Variants in PRKG1 observed in about 807,000 individuals in gnomAD.
The protein encoded by PRKG1 is protein kinase cGMP-dependent 1, also known as cGMP-dependent protein kinase 1.
PRKG1 carries 35 observed loss-of-function variants against 88.1 expected under a neutral mutation model. The ratio of observed to expected loss-of-function variants is 0.40; its 90% confidence interval spans 0.30 to 0.53. The LOEUF (loss-of-function observed/expected upper bound fraction) is 0.53, where lower values mean the gene tolerates loss of function less well. PRKG1 is among the 20% of genes least tolerant of loss of function. The pLI is 0.59. For synonymous variants in PRKG1, 303 were observed against 292.5 expected (o/e 1.04, Z -0.37); for missense variants, 540 against 839.8 (o/e 0.64, Z 4.41).
At chr10:52,065,815 C>G (rs775527892) in intron 7 of PRKG1, among the ~76,000 whole-genome samples, 3 of 151,954 alleles carry the variant, frequency 2.0e-5, no homozygotes, top group Admixed American at 6.6e-5. Flanking sequence ...TTAAATGTGT[C>G]AAAAGATGGC....
intron 2 of PRKG1, among the ~76,000 whole-genome samples, chr10:51,316,708 A>T (rs78144682): frequency 6.6e-6 from 1 of 152,132 alleles, no homozygotes; most frequent in African/African-American, 2.4e-5. Context: ...AAATAAATAA[A>T]TAAAAAGACA....
intron 2 of PRKG1, among the ~76,000 whole-genome samples, chr10:51,305,449 A>G (rs556012203): frequency 6.6e-6 from 1 of 152,310 alleles, no homozygotes; most frequent in Admixed American, 6.5e-5. Context: ...TTAAAGGGCT[A>G]ATTTACAAGA....
chr10:51,455,576 C>T (rs1161932317), intron 2 of PRKG1, among the ~76,000 whole-genome samples: 4 of 152,208 alleles, frequency 2.6e-5, no homozygotes, highest in Admixed American at 6.5e-5. Flanking sequence ...TACCCTAAAT[C>T]ATCTCCCTCA....
At chr10:51,431,499 G>A (rs897498815) in intron 2 of PRKG1, among the ~76,000 whole-genome samples, 1 of 152,194 alleles carries the variant, frequency 6.6e-6, no homozygotes, top group Admixed American at 6.5e-5. Flanking sequence ...TTTAGGGCAG[G>A]AAGAATATTG....
At chr10:51,710,836 G>T (rs568357488) in intron 3 of PRKG1, among the ~76,000 whole-genome samples, 3 of 151,280 alleles carry the variant, frequency 2.0e-5, no homozygotes, top group East Asian at 1.9e-4. Context: ...GTCCTGTTTT[G>T]GGGGGGGCGG....
intron 1 of PRKG1, among the ~76,000 whole-genome samples, chr10:51,016,721 T>C (rs1231542106): frequency 7.4e-6 from 1 of 134,410 alleles, no homozygotes; most frequent in Non-Finnish European, 1.6e-5. Context: ...CAGGCTGGAG[T>C]GCAGTGGCGC....
intron 2 of PRKG1, among the ~76,000 whole-genome samples, chr10:51,254,017 C>T (rs1589282551): frequency 6.6e-6 from 1 of 151,950 alleles, no homozygotes; most frequent in African/African-American, 2.4e-5. Context: ...AGTTCATCCT[C>T]ATGAACTTTT....
intron 3 of PRKG1, among the ~76,000 whole-genome samples, chr10:51,764,016 T>A (rs1838092226): frequency 6.6e-6 from 1 of 152,222 alleles, no homozygotes; most frequent in Admixed American, 6.5e-5. Flanking sequence ...CCCTGATGAC[T>A]CAATCATCTC....
At chr10:52,290,766 G>A (rs1842220836) in intron 17 of PRKG1, among the ~76,000 whole-genome samples, 1 of 152,038 alleles carries the variant, frequency 6.6e-6, no homozygotes, top group Admixed American at 6.6e-5. Flanking sequence ...TGGAGCAGGA[G>A]GATCACTTGA....
chr10:51,358,084 C>A (rs1022919140), intron 2 of PRKG1, among the ~76,000 whole-genome samples: 1 of 151,682 alleles, frequency 6.6e-6, no homozygotes, highest in Admixed American at 6.6e-5. Flanking sequence ...TTCTTTAGGT[C>A]GGGAATTTGT....
At chr10:51,145,519 G>A (rs1845923084) in intron 1 of PRKG1, among the ~76,000 whole-genome samples, 1 of 152,140 alleles carries the variant, frequency 6.6e-6, no homozygotes, top group African/African-American at 2.4e-5. Context: ...AAACTTCACG[G>A]TTTTAATTCC....
chr10:51,226,768 G>T (rs1457142328), intron 2 of PRKG1, among the ~76,000 whole-genome samples: 1 of 152,106 alleles, frequency 6.6e-6, no homozygotes, highest in African/African-American at 2.4e-5. Context: ...AGGAAGAAAT[G>T]AATTAACTCT....
intron 3 of PRKG1, among the ~76,000 whole-genome samples, chr10:51,587,034 C>T (rs904586021): frequency 6.6e-6 from 1 of 152,044 alleles, no homozygotes; most frequent in African/African-American, 2.4e-5. Flanking sequence ...TGTACTCAAA[C>T]CTCACTAAAA....
chr10:51,589,680 A>G (rs775874029), intron 3 of PRKG1, among the ~76,000 whole-genome samples: 26 of 152,298 alleles, frequency 1.7e-4, no homozygotes, highest in Non-Finnish European at 3.5e-4. Flanking sequence ...TTTACAGTAT[A>G]AAATGGATAT....
intron 3 of PRKG1, among the ~76,000 whole-genome samples, chr10:51,517,293 C>T (rs1351694193): frequency 1.3e-5 from 2 of 152,228 alleles, no homozygotes; most frequent in South Asian, 2.1e-4. Flanking sequence ...TTAGCTAGAC[C>T]TATTTGTTCA....
intron 2 of PRKG1, among the ~76,000 whole-genome samples, chr10:51,318,618 G>A (rs1347015844): frequency 6.6e-6 from 1 of 152,196 alleles, no homozygotes; most frequent in Non-Finnish European, 1.5e-5. Flanking sequence ...GCAGAGTAGG[G>A]AAAGCAGAGG....
chr10:51,418,182 A>G (rs1838297365), intron 2 of PRKG1, among the ~76,000 whole-genome samples: 2 of 152,178 alleles, frequency 1.3e-5, no homozygotes, highest in South Asian at 4.1e-4. Flanking sequence ...AAGCTCATGT[A>G]TCTCATAAGA....
chr10:51,868,330 C>G (rs1422717812), intron 4 of PRKG1, among the ~76,000 whole-genome samples: 2 of 151,942 alleles, frequency 1.3e-5, no homozygotes, highest in African/African-American at 4.8e-5. Context: ...ACTGAGATGG[C>G]TGGAGGTGGG....
intron 8 of PRKG1, among the ~76,000 whole-genome samples, chr10:52,151,076 A>G (rs1418232185): frequency 6.6e-6 from 1 of 152,148 alleles, no homozygotes; most frequent in African/African-American, 2.4e-5. Context: ...GAGGAGCCTG[A>G]AATTTTTAAA....
Sources: allele counts gnomAD v4.1 joint callset (sites outside exome capture counted in the v4.1 genomes callset), GRCh38; gene constraint gnomAD v4.1.1; transcripts MANE v1.5; gene names NCBI Gene and HGNC (gene_info 2026-07-23, HGNC 2026-07-21).